Variants in MBD5 observed in about 807,000 individuals in gnomAD.
MBD5 encodes methyl-CpG-binding domain protein 5.
In MBD5, 13 loss-of-function variants were observed where a neutral mutation model predicts 117.3. The observed-to-expected ratio is 0.11, with a 90% CI of 0.07 to 0.18. The LOEUF is 0.18. Ranked by LOEUF, MBD5 falls within the 10% of genes least tolerant of loss-of-function variation. The pLI is 1.00. For synonymous variants in MBD5, 727 were observed against 766.4 expected (o/e 0.95, Z 0.85); for missense variants, 1,879 against 2,093.8 (o/e 0.90, Z 2.00).
chr2:148,235,793 G>A lies in MBD5; in HGVS notation c.-680+2398G>A, dbSNP rs549965541. ...AATTTTAAAATAGTTTTCTAAAAAA[G>A]GGGGAGTGTTTTGGGGGGTGGCGGG... On this transcript the variant is annotated intron_variant, in intron 3 of 13. Coordinates refer to ENST00000642680, the MANE Select transcript of MBD5 (RefSeq NM_001378120.1). Among the ~76,000 whole-genome samples, 20 of 151,276 alleles carry A rather than the reference G, an allele frequency of 1.3e-4. No individual in the cohort carries two copies. The East Asian group carries it at 3.5e-3, about 27-fold the overall frequency.
chr2:148,326,303 G>T (rs1352063836), intron 3 of MBD5, among the ~76,000 whole-genome samples: 1 of 152,202 alleles, frequency 6.6e-6, no homozygotes, highest in African/African-American at 2.4e-5. Context: ...TGAAAAAAAT[G>T]TATATTCTGT....
At chr2:148,123,479 G>T (rs1018758185) in intron 1 of MBD5, among the ~76,000 whole-genome samples, 1 of 152,158 alleles carries the variant, frequency 6.6e-6, no homozygotes, top group Admixed American at 6.5e-5. Context: ...TATAGTCAGA[G>T]GTGATTCTGA....
chr2:148,021,022 C>G (rs542802701), upstream of MBD5: 1 of 152,368 alleles, frequency 6.6e-6, no homozygotes. Context: ...ACCAACCAGC[C>G]ACCCGTCAGA....
At chr2:148,061,633 AGTGT>A (rs58729092) in intron 1 of MBD5, among the ~76,000 whole-genome samples, 2 of 150,654 alleles carry the variant, frequency 1.3e-5, no homozygotes, top group African/African-American at 2.4e-5. Context: ...TACAGCAGTG[AGTGT>A]GTGTGTGTGT....
At chr2:148,432,091 C>A (rs1429620682) in intron 4 of MBD5, among the ~76,000 whole-genome samples, 1 of 151,924 alleles carries the variant, frequency 6.6e-6, no homozygotes, top group Non-Finnish European at 1.5e-5. Context: ...TGGTATCTTC[C>A]TGTGGTTTTG....
chr2:148,308,404 T>A (rs1448912056), intron 3 of MBD5, among the ~76,000 whole-genome samples: 1 of 152,102 alleles, frequency 6.6e-6, no homozygotes, highest in Non-Finnish European at 1.5e-5. Flanking sequence ...ATAATGAGTT[T>A]TTTTCATATG....
At chr2:148,276,242 C>T (rs965674722) in intron 3 of MBD5, among the ~76,000 whole-genome samples, 13 of 152,090 alleles carry the variant, frequency 8.5e-5, no homozygotes, top group Non-Finnish European at 1.6e-4. Flanking sequence ...ATAGCCTGAG[C>T]CTGGGAGTTG....
intron 8 of MBD5, among the ~76,000 whole-genome samples, chr2:148,478,369 G>A (rs561145542): frequency 6.6e-6 from 1 of 152,218 alleles, no homozygotes; most frequent in Non-Finnish European, 1.5e-5. Context: ...TGGATCACAA[G>A]GTCAGGAGTT....
intron 1 of MBD5, among the ~76,000 whole-genome samples, chr2:148,102,955 G>A (rs1006458469): frequency 3.3e-5 from 5 of 151,842 alleles, no homozygotes; most frequent in Admixed American, 3.3e-4. Flanking sequence ...ACTATGAAAA[G>A]CATAATTTAT....
intron 4 of MBD5, among the ~76,000 whole-genome samples, chr2:148,409,815 A>C (rs1332398621): frequency 6.6e-6 from 1 of 152,144 alleles, no homozygotes; most frequent in Non-Finnish European, 1.5e-5. Context: ...TACACTCAAC[A>C]TGTTCTTTGA....
At chr2:148,323,758 G>A (rs578155967) in intron 3 of MBD5, among the ~76,000 whole-genome samples, 1 of 152,122 alleles carries the variant, frequency 6.6e-6, no homozygotes, top group African/African-American at 2.4e-5. Flanking sequence ...TGTCAGATGA[G>A]TAGGTTGCAA....
rs902028600 is a variant in MBD5 at position 148,041,823 on chromosome 2, C to T, written c.-925+20139C>T. ...AAACGTAAAAATCCTTTAATACCTACTTGCTTGTACTTGAAATTTTTTAAG... is the reference window on the plus strand; with the variant it reads ...AAACGTAAAAATCCTTTAATACCTATTTGCTTGTACTTGAAATTTTTTAAG... On this transcript the variant is annotated intron_variant, in intron 1 of 13. Coordinates refer to ENST00000642680, the MANE Select transcript of MBD5 (RefSeq NM_001378120.1). Among the ~76,000 whole-genome samples the T allele has an allele frequency of 2.6e-5, 4 of 152,282 alleles. No individual in the cohort carries two copies. In the East Asian group the frequency reaches 7.7e-4, roughly 29 times the overall value.
chr2:148,392,643 T>C (rs1391727278), intron 4 of MBD5, among the ~76,000 whole-genome samples: 1 of 152,196 alleles, frequency 6.6e-6, no homozygotes, highest in Non-Finnish European at 1.5e-5. Flanking sequence ...TATGCCTTTA[T>C]TTAAATCAAA....
At chr2:148,439,160 A>G (rs955114906) in intron 4 of MBD5, among the ~76,000 whole-genome samples, 1 of 152,164 alleles carries the variant, frequency 6.6e-6, no homozygotes, top group Non-Finnish European at 1.5e-5. Flanking sequence ...TCAGAAGTTG[A>G]CTTTCAGGAT....
intron 1 of MBD5, among the ~76,000 whole-genome samples, chr2:148,063,738 G>T (rs926370725): frequency 6.6e-6 from 1 of 152,006 alleles, no homozygotes; most frequent in African/African-American, 2.4e-5. Context: ...GTCCTGAAAA[G>T]CCTGTTAATA....
intron 1 of MBD5, among the ~76,000 whole-genome samples, chr2:148,161,428 C>G (rs535870610): frequency 1.6e-4 from 24 of 152,176 alleles, no homozygotes; most frequent in Non-Finnish European, 2.8e-4. Context: ...CCAAGAAAGA[C>G]TTTAAAGCTA....
chr2:148,483,179 C>G lies in MBD5; in HGVS notation c.2588C>G (p.Ser863Cys), dbSNP rs1414103234. The G allele has an allele frequency of 6.2e-7, 1 of 1,613,598 alleles. No homozygotes were observed. Among genetic ancestry groups the G allele is most frequent in the Non-Finnish European group, 8.5e-7 (1 of 1,179,962 alleles). The change falls in exon 9 of 14, where the codon TCT becomes TGT. Residue 863 changes from serine to cysteine, a missense_variant. Transcript: ENST00000642680. The stretch of plus-strand genomic sequence containing the variant: ...CACCCTGCCATCACAAAGACAACAT[C>G]TGTTCTTCAAGATGGCGTCATAGTC... ...TNHPAITKTT[S>C]VLQDGVIVTT...
intron 12 of MBD5, 51 bp from the exon 13 acceptor site, chr2:148,510,009 G>A: frequency 1.4e-6 from 2 of 1,383,488 alleles, no homozygotes; most frequent in South Asian, 2.3e-5. Flanking sequence ...ATTAAATTGA[G>A]TTTTGTTTCT....
chr2:148,235,541 C>G (rs576236504), intron 3 of MBD5, among the ~76,000 whole-genome samples: 1 of 152,096 alleles, frequency 6.6e-6, no homozygotes, highest in Admixed American at 6.6e-5. Flanking sequence ...GAAAGTTATA[C>G]TGGCAAAAAC....
Sources: gnomAD v4.1 joint callset for allele counts (sites outside exome capture counted in the v4.1 genomes callset) on GRCh38, gnomAD v4.1.1 for gene constraint, MANE v1.5 for transcripts, NCBI Gene and HGNC (gene_info 2026-07-23, HGNC 2026-07-21) for gene names.